Variants in SEM1 observed in about 807,000 individuals in gnomAD.
SEM1 encodes SEM1 26S proteasome subunit, also known as 26S proteasome complex subunit SEM1.
Under a neutral mutation model 12.7 loss-of-function variants are expected in SEM1, and 3 were observed. That is an observed-to-expected ratio of 0.24 (90% CI 0.11 to 0.61). The LOEUF (loss-of-function observed/expected upper bound fraction) is 0.61. Among genes scored for constraint, SEM1 ranks in the 20% least tolerant of loss-of-function variants. The probability of loss-of-function intolerance (pLI) is 0.88; values close to 1 mark genes in which losing one functional copy is unlikely to be tolerated. For synonymous variants in SEM1, 30 were observed against 27.8 expected (o/e 1.08, Z -0.25); for missense variants, 59 against 81.3 (o/e 0.73, Z 1.06).
At chr7:96,709,607 G>A in intron 1 of SEM1, 81 bp downstream of exon 1, 1 of 1,358,538 alleles carries the variant, frequency 7.4e-7, no homozygotes, top group Non-Finnish European at 1.0e-6. Context: ...GCCCCCAGCT[G>A]GGCCCGAGCA....
rs567400289 is a variant in SEM1 at position 96,640,651 on chromosome 7, C to A, written c.171-18008G>T. Among the ~76,000 whole-genome samples the A allele has an allele frequency of 6.6e-6, 1 of 152,040 alleles. No individual in the cohort carries two copies. Among genetic ancestry groups the A allele is most frequent in the African/African-American group, 2.4e-5 (1 of 41,502 alleles). Reference sequence around the variant, plus strand: ...CTGTAAGATACTATAATGGTGGACACATGTCATTATACATCTCCAAACTCA... The same window carrying A: ...CTGTAAGATACTATAATGGTGGACAAATGTCATTATACATCTCCAAACTCA... On this transcript the variant is annotated intron_variant, in intron 2 of 2. Coordinates refer to the SEM1 transcript ENST00000417009. This position sits in a 1 kb window ranked among gnomAD's most constrained non-coding sequence, Gnocchi z 4.0.
intron 2 of SEM1, among the ~76,000 whole-genome samples, chr7:96,524,220 C>T (rs1584735891): frequency 6.6e-6 from 1 of 152,100 alleles, no homozygotes; most frequent in East Asian, 1.9e-4. Flanking sequence ...CATTTCATAC[C>T]TTTATTTCTC....
At chr7:96,580,179 C>T (rs1428216143) in intron 2 of SEM1, among the ~76,000 whole-genome samples, 16 of 143,326 alleles carry the variant, frequency 1.1e-4, no homozygotes, top group African/African-American at 3.9e-4. Flanking sequence ...TCCGTGTGTT[C>T]TCGTTGTTCA....
At chr7:96,682,148 T>C (rs1789632989) in intron 2 of SEM1, among the ~76,000 whole-genome samples, 1 of 152,132 alleles carries the variant, frequency 6.6e-6, no homozygotes, top group Non-Finnish European at 1.5e-5. Flanking sequence ...TTTGTAGCAA[T>C]TGTGAATGGG....
intron 2 of SEM1, among the ~76,000 whole-genome samples, chr7:96,553,654 C>T (rs1805374436): frequency 6.6e-6 from 1 of 152,166 alleles, no homozygotes; most frequent in Admixed American, 6.5e-5. Flanking sequence ...GTTCTTTTGG[C>T]TTAGGATTGA....
At chr7:96,580,997 T>G (rs949577624) in intron 2 of SEM1, among the ~76,000 whole-genome samples, 6 of 152,144 alleles carry the variant, frequency 3.9e-5, no homozygotes, top group African/African-American at 1.4e-4. Context: ...GTCAATTTTG[T>G]CTTTTGTTGC....
intron 2 of SEM1, among the ~76,000 whole-genome samples, chr7:96,614,426 C>T (rs1807639331): frequency 6.6e-6 from 1 of 152,206 alleles, no homozygotes; most frequent in Non-Finnish European, 1.5e-5. Context: ...GAACCAGGTC[C>T]TAAATTAGCT....
At chr7:96,625,820 G>A (rs1563088097) in intron 2 of SEM1, among the ~76,000 whole-genome samples, 1 of 151,956 alleles carries the variant, frequency 6.6e-6, no homozygotes, top group Non-Finnish European at 1.5e-5. Flanking sequence ...ATGCCACAGA[G>A]GTTCTTATTT....
chr7:96,555,813 G>A (rs1225088483), intron 2 of SEM1, among the ~76,000 whole-genome samples: 6 of 148,380 alleles, frequency 4.0e-5, no homozygotes, highest in Non-Finnish European at 8.9e-5. Context: ...CATTATTAAC[G>A]TGTGGGAGTC....
chr7:96,602,013 GA>G (rs1171013154), intron 2 of SEM1, among the ~76,000 whole-genome samples: 1 of 152,196 alleles, frequency 6.6e-6, no homozygotes, highest in Non-Finnish European at 1.5e-5. Context: ...GAGATGGGGA[GA>G]GCTGTGGGTA....
intron 2 of SEM1, among the ~76,000 whole-genome samples, chr7:96,566,726 T>G (rs1805853569): frequency 6.6e-6 from 1 of 151,710 alleles, no homozygotes; most frequent in South Asian, 2.1e-4. Flanking sequence ...ACAAGATTAA[T>G]TTTTAAATTC....
At chr7:96,512,058 T>C (rs1486956171) in intron 2 of SEM1, among the ~76,000 whole-genome samples, 2 of 152,088 alleles carry the variant, frequency 1.3e-5, no homozygotes, top group Non-Finnish European at 2.9e-5. Flanking sequence ...AAGTCTTAAG[T>C]TTTCACAACC....
At chr7:96,681,842 T>TGCTTAG (rs1789622521) in intron 2 of SEM1, among the ~76,000 whole-genome samples, 1 of 152,144 alleles carries the variant, frequency 6.6e-6, no homozygotes, top group Admixed American at 6.6e-5. Flanking sequence ...TTGTTCTTTT[T>TGCTTAG]GCTTAGGATT....
chr7:96,643,531 A>G (rs1390825852), intron 2 of SEM1, among the ~76,000 whole-genome samples: 1 of 152,048 alleles, frequency 6.6e-6, no homozygotes, highest in African/African-American at 2.4e-5. Flanking sequence ...CACTATTCAC[A>G]ATAGAAAAGA....
chr7:96,486,545 T>A, intron 1 of SEM1: 1 of 720,148 alleles, frequency 1.4e-6, no homozygotes, highest in African/African-American at 1.8e-5. Context: ...TTGAGTGAGG[T>A]GGGGAAACCA....
chr7:96,525,738 C>A (rs1804440340), intron 2 of SEM1, among the ~76,000 whole-genome samples: 1 of 152,158 alleles, frequency 6.6e-6, no homozygotes, highest in Non-Finnish European at 1.5e-5. Flanking sequence ...GAATTACTGC[C>A]TGAGCTCTAC....
chr7:96,671,118 T>C (rs982562357), downstream of SEM1, among the ~76,000 whole-genome samples: 39 of 152,152 alleles, frequency 2.6e-4, no homozygotes, highest in African/African-American at 9.2e-4. Context: ...CCCCACAGAT[T>C]TCAATGAACA....
intron 2 of SEM1, among the ~76,000 whole-genome samples, chr7:96,599,351 C>G (rs2116181130): frequency 6.6e-6 from 1 of 152,112 alleles, no homozygotes; most frequent in Admixed American, 6.5e-5. Context: ...CAAACCAAAA[C>G]AACAAACAGC....
intron 2 of SEM1, chr7:96,664,358 C>T (rs1305044554): frequency 2.0e-5 from 3 of 152,130 alleles, no homozygotes; most frequent in Admixed American, 2.0e-4. Context: ...GGACTGAGTT[C>T]CCTGTTTATT....
Sources: allele counts gnomAD v4.1 joint callset (sites outside exome capture counted in the v4.1 genomes callset), GRCh38; gene constraint gnomAD v4.1.1; non-coding constraint Gnocchi (gnomAD v3.1); transcripts MANE v1.5; gene names NCBI Gene and HGNC (gene_info 2026-07-23, HGNC 2026-07-21).